TMEM150B: variants seen among roughly 807,000 people sequenced by gnomAD.
TMEM150B encodes the protein modulator of macroautophagy TMEM150B.
TMEM150B carries 33 observed loss-of-function variants against 25.2 expected under a neutral mutation model. That is an observed-to-expected ratio of 1.31 (90% CI 0.99 to 1.75). The LOEUF (loss-of-function observed/expected upper bound fraction) is 1.75, where lower values mean the gene tolerates loss of function less well. Ranked by LOEUF, TMEM150B falls within the 40% of genes most tolerant of loss-of-function variation. TMEM150B has a pLI of 0.00. For missense variants in TMEM150B, 322 were observed against 306.1 expected, an observed-to-expected ratio of 1.05 and a Z score of -0.39; for synonymous variants, 133 against 134.8, an observed-to-expected ratio of 0.99 and a Z score of 0.09.
intron 1 of TMEM150B, chr19:55,324,904 C>T: frequency 1.0e-6 from 1 of 985,200 alleles, no homozygotes; most frequent in Middle Eastern, 5.2e-4. Context: ...GACAGCTCCT[C>T]TAAAGGAAGT....
At position 55,316,946 on chromosome 19, in the gene TMEM150B, C is replaced by G; in HGVS notation, c.345G>C (p.Thr115=). The part of the protein sequence containing the change: ...GNFQEKNQRP[T]HLAGAFLAFI... The stretch of plus-strand genomic sequence containing the variant: ...AGGCAAGGAAGGCCCCTGCCAAGTG[C>G]GTAGGCCGCTGGTTCTTTTCCTGGG... Residue 115 remains threonine (T), a synonymous_variant, in exon 7 of 8, where the codon ACG becomes ACC. Coordinates refer to ENST00000326652, the MANE Select transcript of TMEM150B (RefSeq NM_001282011.2). 6.2e-7 allele frequency: 1 copy of G among 1,602,402 alleles called. No homozygotes were observed. Among genetic ancestry groups the G allele is most frequent in the Non-Finnish European group, 8.5e-7 (1 of 1,176,176 alleles).
intron 6 of TMEM150B, chr19:55,319,755 A>C: frequency 2.4e-6 from 3 of 1,236,244 alleles, no homozygotes; most frequent in Non-Finnish European, 3.1e-6. Context: ...TGGACCAGTA[A>C]TTTCATCATT....
rs779619025 is a variant in TMEM150B, at chr19:55,316,827, C to T, written c.464G>A (p.Arg155His). 19 of 1,576,464 alleles carry T rather than the reference C, an allele frequency of 1.2e-5. No individual in the cohort carries two copies. The highest frequency in any genetic ancestry group is 1.7e-4 in the Middle Eastern group (1 of 5,942). The change falls in exon 7 of 8, where the codon CGC becomes CAC. Residue 155 changes from arginine (R) to histidine (H), a missense_variant. Coordinates refer to ENST00000326652, the MANE Select transcript of TMEM150B (RefSeq NM_001282011.2). ...QPGAAWIGPL[R>H]LGLCSVCTIL... ...GGTGCAGACGCTGCAGAGGCCCAGG[C>T]GGAGGGGCCCAATCCAGGCAGCCCC...
At position 55,320,621 on chromosome 19, in the gene TMEM150B, C is replaced by A. The variant is rs375239258; in HGVS notation, c.69-4G>T. On this transcript the variant is annotated splice_region_variant and splice_polypyrimidine_tract_variant and intron_variant, in intron 3 of 7. Coordinates refer to ENST00000326652, the MANE Select transcript of TMEM150B (RefSeq NM_001282011.2). ...GTTGGTCACTGCAATGGCAAAACTA[C>A]GGAGGAAATCAGAGTGAGTGGGCGA... The A allele has an allele frequency of 1.2e-6, 2 of 1,613,230 alleles. No individual in the cohort carries two copies. Among genetic ancestry groups the A allele is most frequent in the South Asian group, 2.2e-5 (2 of 91,080 alleles).
chr19:55,325,299 G>C lies in TMEM150B; in HGVS notation c.-181C>G. 1 of 985,386 alleles carries C rather than the reference G, an allele frequency of 1.0e-6. No individual in the cohort carries two copies. Among genetic ancestry groups the C allele is most frequent in the Non-Finnish European group, 1.2e-6 (1 of 829,938 alleles). The allele number at this position is 985,386 out of a possible 1,614,324, so 61.0% of individuals were successfully genotyped here. A position where few individuals can be genotyped will look rare whatever the true frequency, so the allele number is the denominator to read the frequency against. The stretch of plus-strand genomic sequence containing the variant: ...GCCACGGGTAGGTTGGGTGTCTGGA[G>C]CCTGAAGGATCCTTCCAGAAGCTAG... On this transcript the variant is annotated 5_prime_UTR_variant, in exon 1 of 8. Coordinates refer to ENST00000326652, the MANE Select transcript of TMEM150B (RefSeq NM_001282011.2).
At chr19:55,319,853 G>C (rs1437250285) in intron 6 of TMEM150B, 186 bp downstream of exon 6, 9 of 1,426,140 alleles carry the variant, frequency 6.3e-6, no homozygotes, top group Non-Finnish European at 7.3e-6. Context: ...CTCGCTCGTA[G>C]TGCCCCACTC....
At chr19:55,312,244 G>A (rs1281664427), downstream of TMEM150B, 3 of 412,876 alleles carry the variant, frequency 7.3e-6, no homozygotes, top group Admixed American at 8.3e-5. Context: ...TGGTTCTAGG[G>A]GAACAGGGGG....
In TMEM150B at chr19:55,324,756, A is replaced by G. The variant is rs1183640726; in HGVS notation, c.-154+516T>C. The G allele has an allele frequency of 1.2e-5, 12 of 985,356 alleles. No homozygotes were observed. In the Admixed American group the frequency reaches 7.4e-4, roughly 61 times the overall value. The allele number at this position is 985,356 out of a possible 1,614,324, so 61.0% of individuals were successfully genotyped here. A position where few individuals can be genotyped will look rare whatever the true frequency, so the allele number is the denominator to read the frequency against. On this transcript the variant is annotated intron_variant, in intron 1 of 7. Coordinates refer to ENST00000326652, the MANE Select transcript of TMEM150B (RefSeq NM_001282011.2). The stretch of plus-strand genomic sequence containing the variant: ...AGTCCTCCTCACCCCTTCTGCTGCC[A>G]AATGCCTCTCCTCTGGGTCTCGTCT...
intron 7 of TMEM150B, among the ~76,000 whole-genome samples, chr19:55,315,906 G>T (rs573617012): frequency 1.3e-5 from 2 of 152,180 alleles, no homozygotes; most frequent in South Asian, 4.1e-4. Context: ...CTCCAGCCTG[G>T]GCGACAGAGC....
chr19:55,320,752 C>G, intron 3 of TMEM150B, 135 bp from the exon 4 acceptor site: 1 of 1,163,524 alleles, frequency 8.6e-7, no homozygotes, highest in South Asian at 1.4e-5. Flanking sequence ...TCCCTCAGAC[C>G]CAGGAGTCCA....
Position 55,312,820 on chromosome 19 carries a change from G to A in TMEM150B, c.*39C>T, listed in dbSNP as rs944109087. On this transcript the variant is annotated 3_prime_UTR_variant, in exon 8 of 8. Transcript: ENST00000326652. ...CACTGGGATTGGCCCCATCTTTCCT[G>A]CTTCACTGGTGAGGGCAAGGCCCGG... 5.9e-6 allele frequency: 9 copies of A among 1,533,238 alleles called. No individual in the cohort carries two copies. The African/African-American group carries it at 1.2e-4, about 21-fold the overall frequency. The allele number at this position is 1,533,238 out of a possible 1,614,324, so 95.0% of individuals were successfully genotyped here.
chr19:55,314,337 C>T (rs2088923298), intron 7 of TMEM150B, among the ~76,000 whole-genome samples: 1 of 152,048 alleles, frequency 6.6e-6, no homozygotes, highest in African/African-American at 2.4e-5. Flanking sequence ...CTTCCTATGG[C>T]TCTCTATCAC....
Position 55,313,042 on chromosome 19 carries a change from G to A in TMEM150B, c.519C>T (p.His173=), listed in dbSNP as rs375954486. The change falls in exon 8 of 8, where the codon CAC becomes CAT. Residue 173 remains histidine (H), a synonymous_variant. Coordinates refer to ENST00000326652, the MANE Select transcript of TMEM150B (RefSeq NM_001282011.2). ...TILIVAMIVL[H]ACSLRSVSAA... is the part of the protein sequence containing the mutation. ...CAGAGACGCTACGCAGCGAGCAGGC[G>A]TGGAGGACGATCACTGCCCCAGGGT... 3.7e-5 allele frequency: 60 copies of A among 1,610,964 alleles called. No individual in the cohort carries two copies. The highest frequency in any genetic ancestry group is 1.3e-4 in the Admixed American group (8 of 59,750).
Position 55,322,755 on chromosome 19 carries a change from A to C in TMEM150B, c.-153-12T>G. 2.0e-6 allele frequency: 2 copies of C among 985,028 alleles called. No homozygotes were observed. The highest frequency in any genetic ancestry group is 2.4e-6 in the Non-Finnish European group (2 of 829,682). The allele number at this position is 985,028 out of a possible 1,614,324, so 61.0% of individuals were successfully genotyped here. ...CTCAGGCAGACATCCTGCAGAGGCA[A>C]AGTCCAGGCTGCAGGACTGCCTGGG... On this transcript the variant is annotated splice_polypyrimidine_tract_variant and intron_variant, in intron 1 of 7. Transcript: ENST00000326652.
At chr19:55,325,221 G>A (rs1277493432) in intron 1 of TMEM150B, 51 bp downstream of exon 1, 27 of 960,756 alleles carry the variant, frequency 2.8e-5, no homozygotes, top group Non-Finnish European at 3.2e-5. Flanking sequence ...ACAGGGGACA[G>A]GGCTCCAGCC....
At chr19:55,324,108 C>T (rs929324326) in intron 1 of TMEM150B, among the ~76,000 whole-genome samples, 2 of 152,086 alleles carry the variant, frequency 1.3e-5, no homozygotes, top group South Asian at 2.1e-4. Context: ...GCGCCCAACC[C>T]GTCTGGTGTA....
downstream of TMEM150B, among the ~76,000 whole-genome samples, chr19:55,309,868 CAG>C (rs761848165): frequency 2.0e-5 from 3 of 152,214 alleles, no homozygotes; most frequent in Non-Finnish European, 2.9e-5. Context: ...CACAGTGAAA[CAG>C]GGTACTGGGC....
chr19:55,320,914 G>A lies in TMEM150B; in HGVS notation c.68+55C>T, dbSNP rs189185057. 696 of 1,567,102 alleles carry A rather than the reference G, an allele frequency of 4.4e-4. 1 individual carries two copies. The African/African-American group carries it at 8.6e-3, about 19-fold the overall frequency. ...TCCTCCCTCAGACCCAGAAATCCAG[G>A]CCCCAGCCCCCTCCACCCTCAGACC... On this transcript the variant is annotated intron_variant, in intron 3 of 7. Transcript: ENST00000326652.
chr19:55,320,323 A>G, intron 5 of TMEM150B, 68 bp downstream of exon 5: 2 of 1,502,332 alleles, frequency 1.3e-6, no homozygotes, highest in Non-Finnish European at 1.8e-6. Flanking sequence ...GGTTTGAGAA[A>G]GGAGCGGTTT....
Sources: allele counts gnomAD v4.1 joint callset (sites outside exome capture counted in the v4.1 genomes callset), GRCh38; gene constraint gnomAD v4.1.1; transcripts MANE v1.5; gene names NCBI Gene and HGNC (gene_info 2026-07-23, HGNC 2026-07-21).